CELF2: variants seen among roughly 807,000 people sequenced by gnomAD.
CELF2 encodes CUG triplet repeat RNA-binding protein 2.
Under a neutral mutation model 62.6 loss-of-function variants are expected in CELF2, and 8 were observed. The ratio of observed to expected loss-of-function variants is 0.13; its 90% CI spans 0.07 to 0.23. The LOEUF is 0.23. Among genes scored for constraint, CELF2 ranks in the 10% least tolerant of loss-of-function variants. The probability of loss-of-function intolerance (pLI) is 1.00; values close to 1 mark genes in which losing one functional copy is unlikely to be tolerated. For synonymous variants in CELF2, 258 were observed against 250.0 expected, an observed-to-expected ratio of 1.03 and a Z score of -0.30; for missense variants, 333 against 671.0, an observed-to-expected ratio of 0.50 and a Z score of 5.56.
At chr10:10,732,855 C>A in the CELF2 span, among the ~76,000 whole-genome samples, 22 of 152,248 alleles carry the variant, frequency 1.4e-4, no homozygotes, top group African/African-American at 5.1e-4. Flanking sequence ...AGTCAAGAAT[C>A]TGAACCTGTT....
chr10:10,987,703 AC>A (rs745543132), intron 2 of CELF2, among the ~76,000 whole-genome samples: 53 of 152,270 alleles, frequency 3.5e-4, no homozygotes, highest in Admixed American at 9.2e-4. Flanking sequence ...TAAGAAAAAA[AC>A]GATCTCAATA....
upstream of CELF2, among the ~76,000 whole-genome samples, chr10:10,793,575 C>T (rs903207380): frequency 1.3e-5 from 2 of 152,206 alleles, no homozygotes; most frequent in Non-Finnish European, 2.9e-5. Flanking sequence ...CAATGCTTCT[C>T]AACACATCAA....
rs61759503 is a variant in CELF2, at chr10:11,321,250, G to T, written c.1158G>T (p.Thr386=). 2 of 1,614,066 alleles carry T rather than the reference G, an allele frequency of 1.2e-6. No homozygotes were observed. The highest frequency in any genetic ancestry group is 4.5e-5 in the East Asian group (2 of 44,878). Reference sequence around the variant, plus strand: ...GAGGACTTGGCGCCACAGGCTTGACGAATGGCACGGCTGGCACCATGGACG... The same window carrying T: ...GAGGACTTGGCGCCACAGGCTTGACTAATGGCACGGCTGGCACCATGGACG... ...LNGGLGATGL[T]NGTAGTMDAL... The change falls in exon 11 of 13, where the codon ACG becomes ACT. Residue 386 remains threonine, a synonymous_variant. Transcript: ENST00000633077. This position sits in a 1 kb window ranked among gnomAD's most constrained non-coding sequence, Gnocchi z 6.2.
chr10:10,669,688 T>G, the CELF2 span, among the ~76,000 whole-genome samples: 1 of 152,190 alleles, frequency 6.6e-6, no homozygotes, highest in African/African-American at 2.4e-5. Context: ...GCTGGATTAG[T>G]CATTTTCACA....
At chr10:11,298,970 C>T (rs772745350) in intron 9 of CELF2, among the ~76,000 whole-genome samples, 2 of 152,230 alleles carry the variant, frequency 1.3e-5, no homozygotes, top group Non-Finnish European at 2.9e-5. Context: ...AAACAAGTAT[C>T]TCCCCACCTT....
rs972307337 is a variant in CELF2 at position 11,291,786 on chromosome 10, G to A, written c.976+3234G>A. 2.6e-5 allele frequency among the ~76,000 whole-genome samples: 4 copies of A among 152,190 alleles called. No homozygotes were observed. The East Asian group carries it at 7.7e-4, about 29-fold the overall frequency. The stretch of plus-strand genomic sequence containing the variant: ...AAGAGGCAAATTGTCTAGAAGGGGT[G>A]TAGCTAGGTATTAAAGAAGATAATG... On this transcript the variant is annotated intron_variant, in intron 9 of 12. Coordinates refer to ENST00000633077, the MANE Select transcript of CELF2 (RefSeq NM_001326342.2).
chr10:10,532,575 G>A, the CELF2 span, among the ~76,000 whole-genome samples: 1 of 152,172 alleles, frequency 6.6e-6, no homozygotes, highest in Admixed American at 6.5e-5. Flanking sequence ...ATTGAGAGCA[G>A]CAGAACGTTA....
chr10:11,239,830 A>C (rs936332539), intron 3 of CELF2, among the ~76,000 whole-genome samples: 1 of 152,148 alleles, frequency 6.6e-6, no homozygotes, highest in African/African-American at 2.4e-5. Context: ...AGGCCTAGGC[A>C]GGTGGATCAT....
rs1300757942 is a variant in CELF2 at position 10,938,183 on chromosome 10, T to A, written c.89+18184T>A. 6.6e-6 allele frequency among the ~76,000 whole-genome samples: 1 copy of A among 152,230 alleles called. No individual in the cohort carries two copies. The highest frequency in any genetic ancestry group is 2.4e-5 in the African/African-American group (1 of 41,468). Reference sequence around the variant, plus strand: ...AGTGAAAAGCCAGCTGTTCTTTGTTTTCTAATGGGCATGTGATGTTGATGA... The same window carrying A: ...AGTGAAAAGCCAGCTGTTCTTTGTTATCTAATGGGCATGTGATGTTGATGA... On this transcript the variant is annotated intron_variant, in intron 2 of 13. Coordinates refer to the CELF2 transcript ENST00000636488. The surrounding 1 kb of genome is among the most constrained non-coding windows in gnomAD (Gnocchi z 4.2).
At chr10:11,199,513 G>C (rs1373728481) in intron 2 of CELF2, among the ~76,000 whole-genome samples, 1 of 152,016 alleles carries the variant, frequency 6.6e-6, no homozygotes, top group Non-Finnish European at 1.5e-5. Flanking sequence ...AAGGGTCTGG[G>C]CTGGAAAGGA....
intron 5 of CELF2, among the ~76,000 whole-genome samples, chr10:11,266,250 A>G (rs1160473365): frequency 6.6e-6 from 1 of 152,188 alleles, no homozygotes; most frequent in Admixed American, 6.5e-5. Flanking sequence ...AGTCAAGGAG[A>G]AAATGGAAAA....
chr10:10,982,555 G>C (rs1346512055), intron 2 of CELF2, among the ~76,000 whole-genome samples: 1 of 152,168 alleles, frequency 6.6e-6, no homozygotes, highest in Non-Finnish European at 1.5e-5. Context: ...AAGGACATGA[G>C]GACAGAACAA....
chr10:10,501,676 TAGG>T, the CELF2 span, among the ~76,000 whole-genome samples: 1 of 152,178 alleles, frequency 6.6e-6, no homozygotes, highest in Non-Finnish European at 1.5e-5. Flanking sequence ...TCACTAATTC[TAGG>T]AGTTTTCCAT....
At chr10:10,497,149 C>T in the CELF2 span, among the ~76,000 whole-genome samples, 1 of 150,736 alleles carries the variant, frequency 6.6e-6, no homozygotes, top group Non-Finnish European at 1.5e-5. Flanking sequence ...CGCGCCACTG[C>T]ACTCCAGCTT....
At chr10:10,604,929 C>A in the CELF2 span, among the ~76,000 whole-genome samples, 1 of 151,926 alleles carries the variant, frequency 6.6e-6, no homozygotes, top group Non-Finnish European at 1.5e-5. Context: ...GGGTACATAC[C>A]CAAAGGAACG....
At chr10:10,833,724 C>A (rs1401245885) in intron 1 of CELF2, among the ~76,000 whole-genome samples, 3 of 152,158 alleles carry the variant, frequency 2.0e-5, no homozygotes, top group Non-Finnish European at 4.4e-5. Context: ...CTCAGCATCA[C>A]TGATCACTAG....
chr10:10,763,970 T>C, the CELF2 span, among the ~76,000 whole-genome samples: 1 of 152,216 alleles, frequency 6.6e-6, no homozygotes. Context: ...ATGGAGTGAA[T>C]TAGTATTTCA....
chr10:10,680,665 C>T, the CELF2 span, among the ~76,000 whole-genome samples: 1 of 152,194 alleles, frequency 6.6e-6, no homozygotes, highest in Non-Finnish European at 1.5e-5. Context: ...GGCCCAAGGC[C>T]TCTGACATAA....
chr10:11,234,027 T>C (rs1159499229), intron 3 of CELF2, among the ~76,000 whole-genome samples: 1 of 152,248 alleles, frequency 6.6e-6, no homozygotes, highest in African/African-American at 2.4e-5. Context: ...ATCCACGCTC[T>C]ATACTGTGCC....
Sources: gnomAD v4.1 joint callset for allele counts (sites outside exome capture counted in the v4.1 genomes callset) on GRCh38, gnomAD v4.1.1 for gene constraint, Gnocchi (gnomAD v3.1) non-coding constraint, MANE v1.5 for transcripts, NCBI Gene and HGNC (gene_info 2026-07-23, HGNC 2026-07-21) for gene names.